ATE1: variants seen among roughly 807,000 people sequenced by gnomAD.
ATE1 encodes the protein arginyltransferase 1.
ATE1 carries 36 observed loss-of-function variants against 70.5 expected under a neutral mutation model. That is an observed-to-expected ratio of 0.51 (90% CI 0.39 to 0.67). The LOEUF (loss-of-function observed/expected upper bound fraction) is 0.67, where lower values mean the gene tolerates loss of function less well. Among genes scored for constraint, ATE1 ranks in the 30% least tolerant of loss-of-function variants. ATE1 has a pLI of 0.00. For synonymous variants in ATE1, 232 were observed against 219.3 expected (o/e 1.06, Z -0.51); for missense variants, 593 against 629.5 (o/e 0.94, Z 0.62).
chr10:121,915,595 G>A (rs184548782), intron 3 of ATE1, among the ~76,000 whole-genome samples: 61 of 152,170 alleles, frequency 4.0e-4, no homozygotes, highest in Non-Finnish European at 6.6e-4. Context: ...GGATAGAAAA[G>A]CTTCCTAAGA....
chr10:121,760,471 T>C (rs11200135), intron 11 of ATE1, among the ~76,000 whole-genome samples: 1 of 152,174 alleles, frequency 6.6e-6, no homozygotes, highest in Non-Finnish European at 1.5e-5. Context: ...TTGGAGGGGT[T>C]TGAGAATTCA....
At chr10:121,899,183 C>A (rs993654263) in intron 7 of ATE1, among the ~76,000 whole-genome samples, 2 of 149,058 alleles carry the variant, frequency 1.3e-5, no homozygotes, top group Non-Finnish European at 3.0e-5. Context: ...TAAGAGCCAA[C>A]AATTTGTTCT....
chr10:121,823,811 T>C (rs192782858), intron 10 of ATE1, among the ~76,000 whole-genome samples: 7 of 152,340 alleles, frequency 4.6e-5, no homozygotes, highest in Non-Finnish European at 5.9e-5. Context: ...TTAATTAACA[T>C]GGCAAGTGCT....
intron 3 of ATE1, among the ~76,000 whole-genome samples, chr10:121,920,248 G>C (rs1427866554): frequency 6.6e-6 from 1 of 152,140 alleles, no homozygotes; most frequent in Non-Finnish European, 1.5e-5. Flanking sequence ...CACTTTGGGA[G>C]GCTGAGGCAG....
intron 10 of ATE1, among the ~76,000 whole-genome samples, chr10:121,819,006 G>A (rs1056971078): frequency 6.6e-6 from 1 of 152,132 alleles, no homozygotes; most frequent in African/African-American, 2.4e-5. Context: ...CCACAATGTC[G>A]CTGTAATTAC....
intron 7 of ATE1, among the ~76,000 whole-genome samples, chr10:121,870,696 T>C (rs1338833000): frequency 6.6e-6 from 1 of 152,158 alleles, no homozygotes; most frequent in Non-Finnish European, 1.5e-5. Context: ...GAATATAGAA[T>C]ATCACCTGAA....
rs138406269 is a variant in ATE1, at chr10:121,843,426, T to C, written c.976-2163A>G. Among the ~76,000 whole-genome samples, 702 of 152,260 alleles carry C rather than the reference T, an allele frequency of 4.6e-3. 3 individuals are homozygous for C. Among genetic ancestry groups the C allele is most frequent in the Middle Eastern group, 0.024 (7 of 294 alleles). On this transcript the variant is annotated intron_variant, in intron 8 of 11. Transcript: ENST00000224652. The stretch of plus-strand genomic sequence containing the variant: ...ATCTCAGCAAGCTATTTTGCAGCTA[T>C]CAAAAAACTGATTCTAAAGTTTATG...
chr10:121,811,948 A>ATT (rs1590364166), intron 10 of ATE1, among the ~76,000 whole-genome samples: 1 of 140,878 alleles, frequency 7.1e-6, no homozygotes, highest in African/African-American at 2.7e-5. Flanking sequence ...CTTATTCCAA[A>ATT]TTCTTTTTTT....
chr10:121,899,910 T>C lies in ATE1; in HGVS notation c.898A>G (p.Met300Val), dbSNP rs762200087. The change falls in exon 7 of 12, where the codon ATG (methionine) becomes GTG (valine). Residue 300 changes from methionine to valine, a missense_variant. By Grantham distance (21) the Met-to-Val change is conservative (BLOSUM62 1). This residue lies in a region of ATE1 where 467 missense variants were observed against 469.6 expected (regional missense o/e 0.99). Transcript: ENST00000224652. ...TCAGGTGGGTTCTTGTGAATAACCA[T>C]CTGGTAACGTTTATAGACCTGGTAA... The part of the protein sequence containing the change: ...ESYQVYKRYQ[M>V]VIHKNPPDTP... 1.9e-6 allele frequency: 3 copies of C among 1,613,684 alleles called. No individual in the cohort carries two copies. The highest frequency in any genetic ancestry group is 2.5e-6 in the Non-Finnish European group (3 of 1,179,762).
intron 10 of ATE1, among the ~76,000 whole-genome samples, chr10:121,815,287 C>T (rs932372467): frequency 1.3e-5 from 2 of 152,196 alleles, no homozygotes; most frequent in African/African-American, 4.8e-5. Flanking sequence ...AGGCGCCCGC[C>T]ACCACGCCCG....
At chr10:121,837,511 G>A (rs1306388245) in intron 9 of ATE1, among the ~76,000 whole-genome samples, 1 of 152,138 alleles carries the variant, frequency 6.6e-6, no homozygotes, top group African/African-American at 2.4e-5. Context: ...TGACTAGTTT[G>A]AAAGTGCTTA....
intron 10 of ATE1, among the ~76,000 whole-genome samples, chr10:121,791,214 C>T (rs555787301): frequency 6.6e-6 from 1 of 151,782 alleles, no homozygotes; most frequent in Non-Finnish European, 1.5e-5. Context: ...CTGTCTCAGC[C>T]TCCCAAGTAG....
intron 9 of ATE1, among the ~76,000 whole-genome samples, chr10:121,840,316 T>G (rs1157972078): frequency 6.6e-6 from 1 of 152,180 alleles, no homozygotes; most frequent in Non-Finnish European, 1.5e-5. Flanking sequence ...TTACACCGCA[T>G]TAACTTAACG....
intron 7 of ATE1, among the ~76,000 whole-genome samples, chr10:121,887,378 A>G (rs1352694593): frequency 1.3e-5 from 2 of 152,150 alleles, no homozygotes; most frequent in Non-Finnish European, 2.9e-5. Flanking sequence ...ATCGCCTCCT[A>G]TTTCCATCTC....
chr10:121,922,292 A>C (rs1211582902), intron 3 of ATE1, 57 bp downstream of exon 3: 6 of 1,257,064 alleles, frequency 4.8e-6, no homozygotes, highest in Non-Finnish European at 5.7e-6. Context: ...AGACTACTAA[A>C]ATATTATACA....
chr10:121,855,416 T>C (rs1350888586), intron 8 of ATE1, among the ~76,000 whole-genome samples: 1 of 152,370 alleles, frequency 6.6e-6, no homozygotes, highest in Admixed American at 6.5e-5. Context: ...GTTAGTCCTT[T>C]TGTTTGTCTA....
At chr10:121,810,292 A>G (rs1947267389) in intron 10 of ATE1, among the ~76,000 whole-genome samples, 1 of 152,060 alleles carries the variant, frequency 6.6e-6, no homozygotes, top group Non-Finnish European at 1.5e-5. Context: ...TTTTTTTGAG[A>G]TGGAGTCTCA....
chr10:121,873,269 T>C (rs1475186504), intron 7 of ATE1, among the ~76,000 whole-genome samples: 1 of 152,164 alleles, frequency 6.6e-6, no homozygotes, highest in African/African-American at 2.4e-5. Flanking sequence ...TGAAGAATTA[T>C]GGTCTATATT....
At chr10:121,885,912 T>C in intron 7 of ATE1, among the ~76,000 whole-genome samples, 1 of 151,932 alleles carries the variant, frequency 6.6e-6, no homozygotes, top group Admixed American at 6.6e-5. Flanking sequence ...AATAAATAAA[T>C]AAATATTAAA....
Sources: gnomAD v4.1 joint callset for allele counts (sites outside exome capture counted in the v4.1 genomes callset) on GRCh38, gnomAD v4.1.1 for gene constraint, gnomAD v4.1.1 regional missense constraint, MANE v1.5 for transcripts, NCBI Gene and HGNC (gene_info 2026-07-23, HGNC 2026-07-21) for gene names.